The following PRKCA variants were observed in gnomAD, a reference collection of about 807,000 sequenced individuals.
PRKCA encodes protein kinase C alpha.
In PRKCA, 27 loss-of-function variants were observed where a neutral mutation model predicts 87.0. The ratio of observed to expected loss-of-function variants is 0.31; its 90% CI spans 0.23 to 0.43. The LOEUF is 0.43. Among genes scored for constraint, PRKCA ranks in the 20% least tolerant of loss-of-function variants. The pLI is 1.00. For missense variants in PRKCA, 518 were observed against 852.3 expected (o/e 0.61, Z 4.88); for synonymous variants, 329 against 311.1 (o/e 1.06, Z -0.61).
chr17:66,435,213 G>C (rs1913313619), intron 2 of PRKCA, among the ~76,000 whole-genome samples: 1 of 152,228 alleles, frequency 6.6e-6, no homozygotes, highest in African/African-American at 2.4e-5. Context: ...TCAGCCTGGG[G>C]ACTGCGTCCT....
At chr17:66,308,264 T>A (rs1904922108) in intron 2 of PRKCA, among the ~76,000 whole-genome samples, 1 of 152,208 alleles carries the variant, frequency 6.6e-6, no homozygotes, top group Non-Finnish European at 1.5e-5. Flanking sequence ...TTTGTATTAA[T>A]GGGACTTCCT....
intron 3 of PRKCA, among the ~76,000 whole-genome samples, chr17:66,605,810 A>G (rs543558683): frequency 1.9e-4 from 29 of 152,332 alleles, no homozygotes; most frequent in Admixed American, 1.2e-3. Context: ...CCTGCTCCGT[A>G]AAAGAAGCCA....
At chr17:66,768,261 T>G (rs7215095) in intron 13 of PRKCA, among the ~76,000 whole-genome samples, 18,019 of 128,036 alleles carry the variant, frequency 0.14, 1,306 homozygotes, top group African/African-American at 0.25. Flanking sequence ...TTTTTTTTTT[T>G]GGGGGGGAGA....
chr17:66,490,076 C>G (rs893357986), intron 2 of PRKCA, among the ~76,000 whole-genome samples: 1 of 152,130 alleles, frequency 6.6e-6, no homozygotes, highest in African/African-American at 2.4e-5. Flanking sequence ...CAACCACACC[C>G]AGCCCAAATA....
intron 3 of PRKCA, among the ~76,000 whole-genome samples, chr17:66,589,983 G>T (rs898737391): frequency 1.1e-4 from 17 of 152,130 alleles, no homozygotes; most frequent in Non-Finnish European, 2.4e-4. Context: ...TCATGCCGCC[G>T]GTGATCTGAC....
rs563289374 is a variant in PRKCA at position 66,570,699 on chromosome 17, G to A, written c.289-70656G>A. ...GGCAGTTTTCCTATTAAAATTATAT[G>A]TAATGTCTTGATATAACTGTGCTCG... On this transcript the variant is annotated intron_variant, in intron 3 of 16. Transcript: ENST00000413366. 1.9e-4 allele frequency among the ~76,000 whole-genome samples: 29 copies of A among 152,272 alleles called. 1 individual carries two copies. The highest frequency in any genetic ancestry group is 1.8e-3 in the Admixed American group (27 of 15,304).
intron 5 of PRKCA, 145 bp from the exon 6 acceptor site, chr17:66,686,966 A>T: frequency 1.4e-6 from 1 of 694,636 alleles, no homozygotes; most frequent in Non-Finnish European, 2.4e-6. Flanking sequence ...TCTCATGTCG[A>T]GTGTTAGAGG....
Position 66,406,949 on chromosome 17 carries a change from T to C in PRKCA, c.206-89252T>C, listed in dbSNP as rs551969587. 5.7e-4 allele frequency among the ~76,000 whole-genome samples: 87 copies of C among 152,274 alleles called. 1 individual carries two copies. Among genetic ancestry groups the C allele is most frequent in the African/African-American group, 2.0e-3 (85 of 41,572 alleles). The stretch of plus-strand genomic sequence containing the variant: ...GACACTTCCTTTCCAGGAAATCTAA[T>C]TTTGAGAAAACGATTGCACTTCTAA... On this transcript the variant is annotated intron_variant, in intron 2 of 16. Coordinates refer to ENST00000413366, the MANE Select transcript of PRKCA (RefSeq NM_002737.3).
At chr17:66,673,464 G>A (rs954176662) in intron 5 of PRKCA, among the ~76,000 whole-genome samples, 1 of 152,200 alleles carries the variant, frequency 6.6e-6, no homozygotes, top group Non-Finnish European at 1.5e-5. Flanking sequence ...ATATGAAGCT[G>A]TGAGGCGATG....
intron 2 of PRKCA, among the ~76,000 whole-genome samples, chr17:66,316,891 C>T (rs1033050424): frequency 6.6e-6 from 1 of 152,054 alleles, no homozygotes; most frequent in Non-Finnish European, 1.5e-5. Context: ...GCCTGTAATC[C>T]CAGCACTTTG....
At chr17:66,683,756 C>T (rs184156159) in intron 5 of PRKCA, among the ~76,000 whole-genome samples, 13 of 152,140 alleles carry the variant, frequency 8.5e-5, no homozygotes, top group Non-Finnish European at 1.6e-4. Context: ...CCCACCAGCA[C>T]GCCCGGCTTC....
In PRKCA at chr17:66,504,249, C is replaced by T. The variant is rs975806498; in HGVS notation, c.288+7966C>T. Among the ~76,000 whole-genome samples the T allele has an allele frequency of 4.0e-5, 6 of 150,096 alleles. No homozygotes were observed. The South Asian group carries it at 6.5e-4, about 16-fold the overall frequency. On this transcript the variant is annotated intron_variant, in intron 3 of 16. Transcript: ENST00000413366. ...GCCCTCCCAAGGCAGGGATTATCCT[C>T]TAATTGCAAGGGTAAACCAATTAGG...
chr17:66,790,335 A>G (rs1159650413), intron 16 of PRKCA, among the ~76,000 whole-genome samples: 1 of 152,202 alleles, frequency 6.6e-6, no homozygotes, highest in African/African-American at 2.4e-5. Flanking sequence ...TTCCTCCTGA[A>G]TCATCGTTTC....
At chr17:66,652,807 C>T (rs1391487225) in intron 5 of PRKCA, among the ~76,000 whole-genome samples, 2 of 152,224 alleles carry the variant, frequency 1.3e-5, no homozygotes, top group African/African-American at 2.4e-5. Context: ...GCCATCAGAG[C>T]GCCTCAGCAG....
intron 3 of PRKCA, among the ~76,000 whole-genome samples, chr17:66,611,097 A>T (rs1970349672): frequency 1.3e-5 from 2 of 152,234 alleles, no homozygotes; most frequent in South Asian, 4.1e-4. Flanking sequence ...CAAAGATTTT[A>T]GAATCTCTGG....
chr17:66,523,738 C>T (rs574180731), intron 3 of PRKCA, among the ~76,000 whole-genome samples: 8 of 152,158 alleles, frequency 5.3e-5, no homozygotes, highest in South Asian at 2.1e-4. Flanking sequence ...CTCAGATTGC[C>T]GGAAGATGCT....
intron 3 of PRKCA, among the ~76,000 whole-genome samples, chr17:66,603,802 T>C (rs60237685): frequency 0.016 from 2,364 of 152,294 alleles, 71 homozygotes; most frequent in African/African-American, 0.054. Flanking sequence ...ACCACCATTC[T>C]ACCTTCTGTC....
At chr17:66,462,914 G>A (rs1914914740) in intron 2 of PRKCA, among the ~76,000 whole-genome samples, 1 of 144,794 alleles carries the variant, frequency 6.9e-6, no homozygotes, top group South Asian at 2.2e-4. Context: ...ACATGCACGT[G>A]CACACATGCA....
chr17:66,418,918 AT>A (rs34806174), intron 2 of PRKCA, among the ~76,000 whole-genome samples: 7,964 of 141,384 alleles, frequency 0.056, 220 homozygotes, highest in Admixed American at 0.083. Flanking sequence ...CGCCCGGCTA[AT>A]TTTTTTTTTT....
Sources: gnomAD v4.1 joint callset for allele counts (sites outside exome capture counted in the v4.1 genomes callset) on GRCh38, gnomAD v4.1.1 for gene constraint, MANE v1.5 for transcripts, NCBI Gene and HGNC (gene_info 2026-07-23, HGNC 2026-07-21) for gene names.